The following THNSL1 variants were observed in gnomAD, a reference collection of about 807,000 sequenced individuals.
THNSL1 encodes threonine synthase-like 1.
THNSL1 carries 48 observed loss-of-function variants against 50.4 expected under a neutral mutation model. The observed-to-expected ratio is 0.95, with a 90% CI of 0.76 to 1.21. The LOEUF is 1.21. Among genes scored for constraint, THNSL1 ranks in the 50% most tolerant of loss-of-function variants. THNSL1 has a pLI of 0.00. For synonymous variants in THNSL1, 309 were observed against 306.1 expected (o/e 1.01, Z -0.10); for missense variants, 896 against 871.7 (o/e 1.03, Z -0.35).
chr10:25,023,911 A>C lies in THNSL1; in HGVS notation c.688A>C (p.Thr230Pro). The change falls in exon 3 of 3, where the codon ACA becomes CCA. Residue 230 changes from threonine (T) to proline (P), a missense_variant. Physicochemically the swap from Thr to Pro is conservative, Grantham distance 38. Coordinates refer to ENST00000376356, the MANE Select transcript of THNSL1 (RefSeq NM_024838.5). ...AAGATACCAAGATGTGGACTCGGAA[A>C]CATTCATTTCAACAAGACACGTTTG... ...IKRYQDVDSE[T>P]FISTRHVWPE... 2 of 1,614,222 alleles carry C rather than the reference A, an allele frequency of 1.2e-6. No individual in the cohort carries two copies. Among genetic ancestry groups the C allele is most frequent in the Non-Finnish European group, 1.7e-6 (2 of 1,180,036 alleles).
the THNSL1 span, among the ~76,000 whole-genome samples, chr10:24,995,298 G>C: frequency 6.6e-6 from 1 of 152,282 alleles, no homozygotes; most frequent in Non-Finnish European, 1.5e-5. Flanking sequence ...CCATCTGACA[G>C]CTTATTCCTT....
the THNSL1 span, among the ~76,000 whole-genome samples, chr10:25,008,871 G>A: frequency 5.3e-5 from 8 of 152,250 alleles, no homozygotes; most frequent in African/African-American, 1.7e-4. Context: ...GTCCAACAAC[G>A]ATAGACTGGA....
chr10:24,991,340 G>A, the THNSL1 span, among the ~76,000 whole-genome samples: 8 of 151,706 alleles, frequency 5.3e-5, no homozygotes, highest in Non-Finnish European at 8.8e-5. Flanking sequence ...TCTCTTTTTC[G>A]TGGTCTCGTT....
the THNSL1 span, among the ~76,000 whole-genome samples, chr10:24,958,194 A>T: frequency 2.7e-3 from 129 of 47,574 alleles, 4 homozygotes; most frequent in South Asian, 0.073. Flanking sequence ...AAAGTAAATT[A>T]AAAAAAAAAA....
chr10:24,978,987 A>G, the THNSL1 span, among the ~76,000 whole-genome samples: 1 of 152,230 alleles, frequency 6.6e-6, no homozygotes, highest in Non-Finnish European at 1.5e-5. Flanking sequence ...ACATTTCAGC[A>G]GAAAGAAACT....
At chr10:24,993,469 C>T in the THNSL1 span, among the ~76,000 whole-genome samples, 1 of 152,126 alleles carries the variant, frequency 6.6e-6, no homozygotes, top group Non-Finnish European at 1.5e-5. Context: ...TGCTAAATAC[C>T]TCATGTGATC....
At chr10:25,012,735 C>G (rs558194746), upstream of THNSL1, among the ~76,000 whole-genome samples, 6 of 152,284 alleles carry the variant, frequency 3.9e-5, no homozygotes, top group African/African-American at 1.4e-4. Flanking sequence ...TGCTTGTAGG[C>G]AGAAGGGACT....
the THNSL1 span, chr10:24,984,322 AT>A: frequency 6.3e-7 from 1 of 1,580,486 alleles, no homozygotes; most frequent in Non-Finnish European, 8.6e-7. Context: ...ACGTGTTACT[AT>A]TTCCAGTTCA....
At chr10:25,010,581 C>T in the THNSL1 span, among the ~76,000 whole-genome samples, 3 of 151,610 alleles carry the variant, frequency 2.0e-5, no homozygotes, top group Non-Finnish European at 1.5e-5. Flanking sequence ...TCTCCTAATG[C>T]TATCCCTCCC....
the THNSL1 span, among the ~76,000 whole-genome samples, chr10:25,000,143 A>G: frequency 2.6e-5 from 4 of 152,298 alleles, no homozygotes; most frequent in Admixed American, 1.3e-4. Context: ...TTTTCCAGAT[A>G]TCTAATTGAT....
chr10:25,021,867 T>A lies in THNSL1; in HGVS notation c.-90T>A, dbSNP rs963162462. On this transcript the variant is annotated 5_prime_UTR_variant, in exon 2 of 3. Transcript: ENST00000376356. ...AACACATATAAATTGAAAAGTCAAA[T>A]AAGGAAATGAATTACCTCCCTTGAC... The A allele has an allele frequency of 1.3e-5, 2 of 152,158 alleles. No homozygotes were observed. Among genetic ancestry groups the A allele is most frequent in the Non-Finnish European group, 2.9e-5 (2 of 68,004 alleles). 9.4% of individuals were successfully genotyped at this position (152,158 alleles called of 1,614,324 possible). A position where few individuals can be genotyped will look rare whatever the true frequency, so the allele number is the denominator to read the frequency against.
the THNSL1 span, among the ~76,000 whole-genome samples, chr10:24,988,278 GTATATATATTTATATATGTA>G: frequency 7.2e-6 from 1 of 139,782 alleles, no homozygotes; most frequent in South Asian, 2.1e-4. Context: ...ATATATATGT[GTATATATATTTATATATGTA>G]TATATATTTA....
At chr10:24,987,055 G>A in the THNSL1 span, among the ~76,000 whole-genome samples, 1 of 152,178 alleles carries the variant, frequency 6.6e-6, no homozygotes, top group East Asian at 1.9e-4. Context: ...CAGCTCTTTC[G>A]CCCTCTGGCC....
the THNSL1 span, among the ~76,000 whole-genome samples, chr10:25,005,846 C>T: frequency 1.3e-5 from 2 of 152,298 alleles, no homozygotes; most frequent in Admixed American, 1.3e-4. Flanking sequence ...GTACCTCTCA[C>T]AAGCTGTTGA....
the THNSL1 span, chr10:24,984,694 C>A: frequency 6.6e-7 from 1 of 1,515,354 alleles, no homozygotes; most frequent in Non-Finnish European, 8.9e-7. Context: ...ATGTTTTTTT[C>A]CCCTACATTG....
At chr10:24,960,656 A>G in the THNSL1 span, among the ~76,000 whole-genome samples, 1 of 151,796 alleles carries the variant, frequency 6.6e-6, no homozygotes, top group South Asian at 2.1e-4. Context: ...TGAACTCCTG[A>G]CCTCAAGTGA....
At chr10:24,968,077 G>T in the THNSL1 span, among the ~76,000 whole-genome samples, 1 of 150,950 alleles carries the variant, frequency 6.6e-6, no homozygotes, top group African/African-American at 2.4e-5. Flanking sequence ...ATCATCACTG[G>T]GATGCTGCAA....
intron 1 of THNSL1, among the ~76,000 whole-genome samples, chr10:25,018,939 T>C (rs1376894069): frequency 1.3e-5 from 2 of 152,214 alleles, no homozygotes; most frequent in Non-Finnish European, 2.9e-5. Context: ...AAAATTGTTT[T>C]AGTTGTGAGA....
intron 1 of THNSL1, among the ~76,000 whole-genome samples, chr10:25,017,312 A>G (rs897157866): frequency 1.5e-4 from 23 of 152,302 alleles, no homozygotes; most frequent in African/African-American, 4.3e-4. Context: ...GCCGTAGGAA[A>G]GTCATTTAGA....
Sources: gnomAD v4.1 joint callset for allele counts (sites outside exome capture counted in the v4.1 genomes callset) on GRCh38, gnomAD v4.1.1 for gene constraint, MANE v1.5 for transcripts, NCBI Gene and HGNC (gene_info 2026-07-23, HGNC 2026-07-21) for gene names.